Variants in VPS13B observed in about 807,000 individuals in gnomAD.
VPS13B encodes vacuolar protein sorting 13 homolog B.
A neutral mutation model predicts 426.4 loss-of-function variants in VPS13B; 285 were observed. That is an observed-to-expected ratio of 0.67 (90% CI 0.61 to 0.74). The LOEUF is 0.74. VPS13B is among the 30% of genes least tolerant of loss of function. The pLI, the probability that VPS13B is intolerant of heterozygous loss-of-function variation, is 0.00. For missense variants in VPS13B, 4,537 were observed against 4,782.6 expected (o/e 0.95, Z 1.51); for synonymous variants, 1,676 against 1,676.4 (o/e 1.00, Z 0.01).
intron 7 of VPS13B, among the ~76,000 whole-genome samples, chr8:99,117,463 A>G (rs534470072): frequency 1.3e-5 from 2 of 152,194 alleles, no homozygotes; most frequent in Non-Finnish European, 2.9e-5. Flanking sequence ...GAGAACTGAT[A>G]ACATATGTCC....
intron 21 of VPS13B, among the ~76,000 whole-genome samples, chr8:99,400,464 T>A (rs1305437268): frequency 6.6e-6 from 1 of 152,232 alleles, no homozygotes; most frequent in Non-Finnish European, 1.5e-5. Context: ...CAATTGTTTT[T>A]CTTAGTGCAC....
At chr8:99,772,745 A>G (rs1478103363) in intron 40 of VPS13B, among the ~76,000 whole-genome samples, 1 of 152,182 alleles carries the variant, frequency 6.6e-6, no homozygotes, top group East Asian at 1.9e-4. Flanking sequence ...ATTTGGAGTT[A>G]GGGTTAAGAC....
At chr8:99,382,885 T>G (rs1293904852) in intron 19 of VPS13B, among the ~76,000 whole-genome samples, 2 of 152,154 alleles carry the variant, frequency 1.3e-5, no homozygotes, top group African/African-American at 4.8e-5. Context: ...GGCATCTTGT[T>G]TTGTGCCAGT....
chr8:99,721,747 C>T (rs1485133272), intron 39 of VPS13B, among the ~76,000 whole-genome samples: 1 of 152,166 alleles, frequency 6.6e-6, no homozygotes, highest in Non-Finnish European at 1.5e-5. Flanking sequence ...TTCCCTACTT[C>T]CCTGCGTCAA....
chr8:99,699,185 A>AACTG (rs2130175622), intron 35 of VPS13B, among the ~76,000 whole-genome samples: 1 of 150,104 alleles, frequency 6.7e-6, no homozygotes, highest in Non-Finnish European at 1.5e-5. Context: ...ATAGGTAACA[A>AACTG]ACTGGAAAAC....
At chr8:99,497,554 A>C (rs868743189) in intron 25 of VPS13B, among the ~76,000 whole-genome samples, 5 of 152,000 alleles carry the variant, frequency 3.3e-5, no homozygotes, top group Middle Eastern at 3.4e-3. Context: ...AGCGTTGTTA[A>C]AAAAATTAAG....
At chr8:99,824,074 C>A in intron 51 of VPS13B, 96 bp downstream of exon 51, 2 of 1,416,354 alleles carry the variant, frequency 1.4e-6, no homozygotes, top group Non-Finnish European at 2.0e-6. Context: ...GAAAAGCTAA[C>A]CCTGAATGTA....
At chr8:99,221,995 G>T (rs1175576364) in intron 17 of VPS13B, among the ~76,000 whole-genome samples, 1 of 152,198 alleles carries the variant, frequency 6.6e-6, no homozygotes, top group African/African-American at 2.4e-5. Flanking sequence ...ATAAAGATTT[G>T]TTGGGATCCA....
chr8:99,831,898 A>G (rs2130855752), intron 51 of VPS13B, among the ~76,000 whole-genome samples: 1 of 152,336 alleles, frequency 6.6e-6, no homozygotes. Context: ...GACAGGATTC[A>G]TAATATTCCC....
At chr8:99,717,533 A>G (rs1220503332) in intron 37 of VPS13B, among the ~76,000 whole-genome samples, 160 bp downstream of exon 37, 2 of 152,228 alleles carry the variant, frequency 1.3e-5, no homozygotes, top group African/African-American at 4.8e-5. Flanking sequence ...GATATAAGTC[A>G]TATACCAGCA....
chr8:99,406,579 T>C (rs1815343959), intron 21 of VPS13B, among the ~76,000 whole-genome samples: 1 of 152,210 alleles, frequency 6.6e-6, no homozygotes, highest in African/African-American at 2.4e-5. Flanking sequence ...GTATTCCTGC[T>C]ACATCAGAAA....
At chr8:99,378,487 T>C (rs1038485920) in intron 19 of VPS13B, among the ~76,000 whole-genome samples, 6 of 152,190 alleles carry the variant, frequency 3.9e-5, no homozygotes, top group Non-Finnish European at 7.3e-5. Context: ...TAGGAAATTG[T>C]AAGTATTGAT....
intron 39 of VPS13B, among the ~76,000 whole-genome samples, chr8:99,727,484 G>T (rs568233596): frequency 1.5e-4 from 23 of 152,324 alleles, no homozygotes; most frequent in East Asian, 5.8e-4. Context: ...GTTCCACATG[G>T]CTGGGGAGGC....
intron 2 of VPS13B, among the ~76,000 whole-genome samples, chr8:99,033,518 A>G (rs1375363492): frequency 2.0e-5 from 3 of 152,156 alleles, no homozygotes; most frequent in Admixed American, 1.3e-4. Flanking sequence ...TTCAACTCCA[A>G]AATTTTCATT....
chr8:99,384,266 T>A lies in VPS13B; in HGVS notation c.2883T>A (p.Tyr961Ter). The A allele has an allele frequency of 6.2e-7, 1 of 1,614,036 alleles. No homozygotes were observed. The highest frequency in any genetic ancestry group is 8.5e-7 in the Non-Finnish European group (1 of 1,179,958). ...CAGTTAATATTGACCCAATCTTATA[T>A]ACGTGGCTCATCTATCAGCCTCAGA... ...GLAVNIDPIL[Y>*]TWLIYQPQKR... Residue 961 changes from tyrosine to a stop codon, truncating the protein, a stop_gained, in exon 20 of 62, where the codon TAT becomes TAA. Transcript: ENST00000357162. LOFTEE classifies it high-confidence loss of function.
At chr8:99,100,032 G>A (rs951789025) in intron 4 of VPS13B, among the ~76,000 whole-genome samples, 2 of 152,128 alleles carry the variant, frequency 1.3e-5, no homozygotes, top group African/African-American at 4.8e-5. Context: ...AGTATGGAGT[G>A]ATGAGAGCTA....
chr8:99,520,408 T>TGC (rs1822317544), intron 29 of VPS13B, among the ~76,000 whole-genome samples: 1 of 151,508 alleles, frequency 6.6e-6, no homozygotes, highest in Admixed American at 6.6e-5. Context: ...TGTGTGTGTG[T>TGC]GTGTGTGTGT....
In VPS13B at chr8:99,274,196, A is replaced by G. The variant is rs1554706114; in HGVS notation, c.2516-2A>G. ...AGTACATTTGCAGTTTTCTTTTATT[A>G]GGTGTGAAATCTAAGAATCCCCTGC... On this transcript the variant is annotated splice_acceptor_variant, in intron 17 of 61. Transcript: ENST00000357162. LOFTEE classifies it high-confidence loss of function. 1.2e-6 allele frequency: 2 copies of G among 1,614,128 alleles called. No individual in the cohort carries two copies. Among genetic ancestry groups the G allele is most frequent in the Non-Finnish European group, 1.7e-6 (2 of 1,179,992 alleles).
At chr8:99,476,228 T>C (rs959141992) in intron 24 of VPS13B, among the ~76,000 whole-genome samples, 20 of 152,204 alleles carry the variant, frequency 1.3e-4, no homozygotes, top group Admixed American at 1.2e-3. Context: ...GAAGAATCTA[T>C]ATAAACTAAA....
Sources: allele counts gnomAD v4.1 joint callset (sites outside exome capture counted in the v4.1 genomes callset), GRCh38; gene constraint gnomAD v4.1.1; transcripts MANE v1.5; gene names NCBI Gene and HGNC (gene_info 2026-07-23, HGNC 2026-07-21).